Variants in SYCE1 observed in about 807,000 individuals in gnomAD.
SYCE1 encodes cancer/testis antigen 76.
In SYCE1, 37 loss-of-function variants were observed where a neutral mutation model predicts 55.1. The ratio of observed to expected loss-of-function variants is 0.67; its 90% CI spans 0.52 to 0.88. SYCE1 has a LOEUF of 0.88. Ranked by LOEUF, SYCE1 falls within the 40% of genes least tolerant of loss-of-function variation. SYCE1 has a pLI of 0.00. For missense variants in SYCE1, 399 were observed against 416.4 expected (o/e 0.96, Z 0.36); for synonymous variants, 163 against 159.4 (o/e 1.02, Z -0.17).
chr10:133,564,897 T>C (rs576969599), intron 1 of SYCE1, among the ~76,000 whole-genome samples: 1 of 152,350 alleles, frequency 6.6e-6, no homozygotes, highest in African/African-American at 2.4e-5. Context: ...TCTGTACAAC[T>C]CTGACCAGCT....
At position 133,555,849 on chromosome 10, in the gene SYCE1, C is replaced by T; in HGVS notation, c.650G>A (p.Cys217Tyr). ...AAGGGTGGAGGGGCCCTCAGCCCCA[C>T]ACAGGGAGCACAGCTGATGCTTCAC... ...EDVKHQLCSL[C>Y]GAEGPSTLDE... The change falls in exon 10 of 13, where the codon TGT becomes TAT. Residue 217 changes from cysteine to tyrosine, a missense_variant. Transcript: ENST00000343131. 1 of 1,614,044 alleles carries T rather than the reference C, an allele frequency of 6.2e-7. No homozygotes were observed. Among genetic ancestry groups the T allele is most frequent in the Non-Finnish European group, 8.5e-7 (1 of 1,180,014 alleles).
At chr10:133,565,692 G>T, upstream of SYCE1, 1 of 654,614 alleles carries the variant, frequency 1.5e-6, no homozygotes, top group Non-Finnish European at 2.5e-6. Context: ...CGTGGCACTA[G>T]TGCGCATGCG....
At chr10:133,554,175 G>T (rs1158666343), downstream of SYCE1, 4 of 897,422 alleles carry the variant, frequency 4.5e-6, no homozygotes, top group East Asian at 7.3e-5. Context: ...TTTAAGACAG[G>T]TATGATTAAC....
At chr10:133,561,387 C>T (rs1458049833) in intron 1 of SYCE1, among the ~76,000 whole-genome samples, 1 of 152,182 alleles carries the variant, frequency 6.6e-6, no homozygotes, top group African/African-American at 2.4e-5. Context: ...AGTCCCCCAT[C>T]CAGGGAATCC....
intron 4 of SYCE1, 112 bp downstream of exon 4, chr10:133,558,765 A>C: frequency 2.0e-6 from 2 of 1,018,762 alleles, no homozygotes; most frequent in Non-Finnish European, 2.9e-6. Flanking sequence ...ACATGAGGCT[A>C]GAGAGGGTAC....
intron 1 of SYCE1, chr10:133,564,468 G>A: frequency 2.0e-6 from 2 of 982,028 alleles, no homozygotes; most frequent in Non-Finnish European, 2.4e-6. Flanking sequence ...CGGCGGGCCA[G>A]CAGGTGCTTA....
At position 133,565,496 on chromosome 10, in the gene SYCE1, G is replaced by A. The variant is rs563915596; in HGVS notation, c.34C>T (p.Pro12Ser). 1.8e-5 allele frequency: 28 copies of A among 1,550,078 alleles called. 1 individual carries two copies. In the South Asian group the frequency reaches 3.2e-4, roughly 18 times the overall value. ...GCCCTGTCCACGGCTCCTGCGGTGG[G>A]CTCGGCCTTCGATGTCAGGGACCTC... ...AGRSLTSKAE[P>S]TAGAVDRAEK... is the part of the protein sequence containing the mutation. Residue 12 changes from proline to serine, a missense_variant, in exon 1 of 13, where the codon CCC (proline) becomes TCC (serine). Pro to Ser is a moderately conservative substitution (Grantham distance 74). Coordinates refer to ENST00000343131, the MANE Select transcript of SYCE1 (RefSeq NM_001143764.3).
At chr10:133,567,771 G>C, upstream of SYCE1, 1 of 311,340 alleles carries the variant, frequency 3.2e-6, no homozygotes, top group East Asian at 8.7e-5. Flanking sequence ...CGGCTCTGGA[G>C]TGTGGCTGGG....
Position 133,558,869 on chromosome 10 carries a change from T to A in SYCE1, c.271+8A>T. 1 of 1,613,484 alleles carries A rather than the reference T, an allele frequency of 6.2e-7. No individual in the cohort carries two copies. Among genetic ancestry groups the A allele is most frequent in the Non-Finnish European group, 8.5e-7 (1 of 1,179,844 alleles). ...TGGGGACCTCTGGGTGACCCCCGGCTCTCTTACGCGAGTCCAGTTCCTTCT... is the reference window on the plus strand; with the variant it reads ...TGGGGACCTCTGGGTGACCCCCGGCACTCTTACGCGAGTCCAGTTCCTTCT... On this transcript the variant is annotated splice_region_variant and intron_variant, in intron 4 of 12. Coordinates refer to ENST00000343131, the MANE Select transcript of SYCE1 (RefSeq NM_001143764.3).
chr10:133,557,584 T>C (rs1218506062), intron 6 of SYCE1: 7 of 539,058 alleles, frequency 1.3e-5, no homozygotes, highest in East Asian at 9.5e-5. Flanking sequence ...GATGAGTGAA[T>C]AGACATCCAA....
At chr10:133,558,239 C>T (rs771424279) in intron 4 of SYCE1, 25 bp from the exon 5 acceptor site, 5 of 1,613,800 alleles carry the variant, frequency 3.1e-6, no homozygotes, top group Non-Finnish European at 3.4e-6. Context: ...CACATTTTGG[C>T]ATCAGGGACT....
At chr10:133,566,252 C>T (rs993822837), upstream of SYCE1, among the ~76,000 whole-genome samples, 62 of 152,312 alleles carry the variant, frequency 4.1e-4, no homozygotes, top group African/African-American at 1.4e-3. Flanking sequence ...GGGGAGGCCG[C>T]GATGCATCGC....
In SYCE1 at chr10:133,556,314, G is replaced by A. The variant is rs1049981156; in HGVS notation, c.529-267C>T. 1.1e-5 allele frequency: 6 copies of A among 570,628 alleles called. No individual in the cohort carries two copies. In the East Asian group the frequency reaches 1.4e-4, roughly 14 times the overall value. The allele number at this position is 570,628 out of a possible 1,614,324, so 35.3% of individuals were successfully genotyped here. ...CAACAGATAAACCTGCAAGCACTGT[G>A]AGTCTTGGCTGTTTTCTGGAGGATC... On this transcript the variant is annotated intron_variant, in intron 8 of 12. Coordinates refer to ENST00000343131, the MANE Select transcript of SYCE1 (RefSeq NM_001143764.3).
At position 133,560,013 on chromosome 10, in the gene SYCE1, T is replaced by C. The variant is rs137910447; in HGVS notation, c.136+78A>G. 1.2e-4 allele frequency: 141 copies of C among 1,221,922 alleles called. 1 individual carries two copies. In the East Asian group the frequency reaches 2.5e-3, roughly 22 times the overall value. 75.7% of individuals were successfully genotyped at this position (1,221,922 alleles called of 1,614,324 possible). Reference sequence around the variant, plus strand: ...GAGGATTATTTCCCAAATTCGTACATTGTGGGGCCTGAAATTAAACCCACA... The same window carrying C: ...GAGGATTATTTCCCAAATTCGTACACTGTGGGGCCTGAAATTAAACCCACA... On this transcript the variant is annotated intron_variant, in intron 2 of 12. Transcript: ENST00000343131.
At chr10:133,557,754 T>C in intron 6 of SYCE1, 110 bp downstream of exon 6, 1 of 1,287,368 alleles carries the variant, frequency 7.8e-7, no homozygotes, top group Non-Finnish European at 1.1e-6. Context: ...CTCTCCATTG[T>C]TTAGAGGGAA....
rs775809005 is a variant in SYCE1, at chr10:133,556,825, G to A, written c.465-3C>T. ...CCAGCTGTTCCTCGAATGCCAACCT[G>A]GGAACCAACCACAGGCATGAGGGGA... On this transcript the variant is annotated splice_region_variant and splice_polypyrimidine_tract_variant and intron_variant, in intron 7 of 12. Transcript: ENST00000343131. The A allele has an allele frequency of 5.6e-5, 89 of 1,591,634 alleles. No individual in the cohort carries two copies. Among genetic ancestry groups the A allele is most frequent in the Non-Finnish European group, 7.2e-5 (84 of 1,168,924 alleles).
chr10:133,557,400 G>T, intron 6 of SYCE1: 1 of 537,730 alleles, frequency 1.9e-6, no homozygotes, highest in Admixed American at 3.3e-5. Context: ...GTATCATCTC[G>T]TTTTCCCAAA....
intron 1 of SYCE1, 177 bp from the exon 2 acceptor site, chr10:133,560,330 G>A (rs905976394): frequency 3.7e-6 from 2 of 541,162 alleles, no homozygotes; most frequent in South Asian, 5.0e-5. Flanking sequence ...TTCCCTATAA[G>A]GTAAAATTAT....
downstream of SYCE1, chr10:133,554,261 A>T (rs373697862): frequency 3.1e-6 from 5 of 1,611,162 alleles, no homozygotes; most frequent in South Asian, 5.5e-5. Flanking sequence ...TTTTCCATGG[A>T]AACAGTGCTC....
Sources: allele counts gnomAD v4.1 joint callset (sites outside exome capture counted in the v4.1 genomes callset), GRCh38; gene constraint gnomAD v4.1.1; transcripts MANE v1.5; gene names NCBI Gene and HGNC (gene_info 2026-07-23, HGNC 2026-07-21).